CHD7: variants seen among roughly 807,000 people sequenced by gnomAD.
CHD7 encodes ATP-dependent chromatin remodeler CHD7.
Under a neutral mutation model 307.3 loss-of-function variants are expected in CHD7, and 24 were observed. That is an observed-to-expected ratio of 0.08 (90% CI 0.06 to 0.11). CHD7 has a LOEUF of 0.11. Ranked by LOEUF, CHD7 falls within the 10% of genes least tolerant of loss-of-function variation. The pLI is 1.00. For missense variants in CHD7, 3,106 were observed against 3,727.1 expected (o/e 0.83, Z 4.34); for synonymous variants, 1,363 against 1,349.9 (o/e 1.01, Z -0.21).
intron 6 of CHD7, among the ~76,000 whole-genome samples, chr8:60,806,320 G>A (rs930251312): frequency 2.6e-5 from 4 of 152,152 alleles, no homozygotes; most frequent in South Asian, 2.1e-4. Flanking sequence ...CCGAGATTGC[G>A]CCACTGCACT....
In CHD7 at chr8:60,865,029, A is replaced by C. The variant is rs1005662057; in HGVS notation, c.8090A>C (p.Glu2697Ala). The C allele has an allele frequency of 6.3e-7, 1 of 1,599,404 alleles. No homozygotes were observed. The highest frequency in any genetic ancestry group is 8.5e-7 in the Non-Finnish European group (1 of 1,172,078). ...CCTGTACTCCAGGGTTTTGTTCCTG[A>C]GTCGATGTTTGACCGCCTTCTCACT... ...DIVKQSGFVP[E>A]SMFDRLLTGP... Residue 2697 changes from glutamate (E) to alanine (A), a missense_variant, in exon 38 of 38, where the codon GAG becomes GCG. By Grantham distance (107) the Glu-to-Ala change is moderately radical. This residue lies in a region of CHD7 where 59 missense variants were observed against 106.2 expected (regional missense o/e 0.56). Coordinates refer to ENST00000423902, the MANE Select transcript of CHD7 (RefSeq NM_017780.4). This position sits in a 1 kb window ranked among gnomAD's most constrained non-coding sequence, Gnocchi z 4.3.
At chr8:60,822,957 G>C (rs1283854349) in intron 12 of CHD7, among the ~76,000 whole-genome samples, 4 of 152,146 alleles carry the variant, frequency 2.6e-5, no homozygotes, top group Non-Finnish European at 5.9e-5. Flanking sequence ...CTGATTATTA[G>C]ATTAGAAGGA....
chr8:60,704,129 CCTCAGTA>C (rs1806900587), intron 1 of CHD7, among the ~76,000 whole-genome samples: 2 of 152,092 alleles, frequency 1.3e-5, no homozygotes, highest in Admixed American at 6.5e-5. Context: ...GTTTGAGTTT[CCTCAGTA>C]CTCATGTCAT....
intron 7 of CHD7, among the ~76,000 whole-genome samples, chr8:60,815,470 A>C (rs192511939): frequency 2.0e-5 from 3 of 152,202 alleles, no homozygotes; most frequent in Non-Finnish European, 2.9e-5. Context: ...GGAGAGGGTG[A>C]TGGGACAAAA....
chr8:60,855,732 A>G (rs1030969201), intron 32 of CHD7, among the ~76,000 whole-genome samples: 4 of 152,232 alleles, frequency 2.6e-5, no homozygotes, highest in South Asian at 4.1e-4. Flanking sequence ...CAGTGTTCGT[A>G]ATTAAAAATA....
rs189373358 is a variant in CHD7 at position 60,867,330 on chromosome 8, A to G, written c.*1397A>G. On this transcript the variant is annotated 3_prime_UTR_variant, in exon 38 of 38. Transcript: ENST00000423902. ...TGCGGTAGTGTCAGCAAGGGACACA[A>G]AGGCACTCTGGTGTCCTGCAGACCA... 3 of 152,358 alleles carry G rather than the reference A, an allele frequency of 2.0e-5. No individual in the cohort carries two copies. In the East Asian group the frequency reaches 5.8e-4, roughly 29 times the overall value. 9.4% of individuals were successfully genotyped at this position (152,358 alleles called of 1,614,324 possible).
Position 60,856,844 on chromosome 8 carries a change from C to T in CHD7, c.7564C>T (p.Leu2522Phe). 6.3e-7 allele frequency: 1 copy of T among 1,577,276 alleles called. No homozygotes were observed. Among genetic ancestry groups the T allele is most frequent in the Non-Finnish European group, 8.6e-7 (1 of 1,162,982 alleles). ...RRGRRKNVEG[L>F]DLLFMSHKRT... The stretch of plus-strand genomic sequence containing the variant: ...GGGAAGGAGGAAAAATGTGGAGGGA[C>T]TTGATCTGCTTTTCATGAGCCACAA... Residue 2522 changes from leucine (L) to phenylalanine (F), a missense_variant, in exon 34 of 38, where the codon CTT (leucine) becomes TTT (phenylalanine). Physicochemically the swap from Leu to Phe is conservative, Grantham distance 22 (BLOSUM62 0). Coordinates refer to ENST00000423902, the MANE Select transcript of CHD7 (RefSeq NM_017780.4).
intron 35 of CHD7, 142 bp downstream of exon 35, chr8:60,861,267 G>T: frequency 1.6e-6 from 1 of 644,012 alleles, no homozygotes; most frequent in Non-Finnish European, 2.6e-6. Flanking sequence ...CCAGGTCTTT[G>T]TTGTTGAATC....
chr8:60,856,913 G>T (rs771924228), intron 34 of CHD7, 25 bp downstream of exon 34: 2 of 1,522,708 alleles, frequency 1.3e-6, no homozygotes, highest in Admixed American at 4.3e-5. Flanking sequence ...TTGCCTGCAT[G>T]GCGATTGCAC....
chr8:60,864,869 CATTAAGTTTT>C (rs1327520488), intron 37 of CHD7, 137 bp from the exon 38 acceptor site: 1 of 807,508 alleles, frequency 1.2e-6, no homozygotes, highest in African/African-American at 1.7e-5. Flanking sequence ...GTTTTGCTGT[CATTAAGTTTT>C]ATCATTGAGC....
At chr8:60,862,459 G>A (rs1466529333) in intron 36 of CHD7, 89 bp from the exon 37 acceptor site, 2 of 1,463,258 alleles carry the variant, frequency 1.4e-6, no homozygotes, top group Admixed American at 2.0e-5. Context: ...GTGCGTGTAT[G>A]TGTGTATTAT....
chr8:60,686,059 T>C (rs1256126280), intron 1 of CHD7, among the ~76,000 whole-genome samples: 1 of 152,178 alleles, frequency 6.6e-6, no homozygotes, highest in Non-Finnish European at 1.5e-5. Context: ...TTATTGTCAT[T>C]GTGTGTTCCT....
Position 60,741,689 on chromosome 8 carries a change from C to T in CHD7, c.257C>T (p.Pro86Leu), listed in dbSNP as rs1355349547. 1.9e-6 allele frequency: 3 copies of T among 1,613,914 alleles called. No individual in the cohort carries two copies. Among genetic ancestry groups the T allele is most frequent in the South Asian group, 1.1e-5 (1 of 91,060 alleles). Reference protein sequence around the residue: ...EQQKMHLMDQPNRMMSNTPGN... With the variant: ...EQQKMHLMDQLNRMMSNTPGN... ...CAAAAGATGCATCTGATGGATCAGC[C>T]GAACAGAATGATGAGCAACACCCCT... Residue 86 changes from proline (P) to leucine (L), a missense_variant, in exon 2 of 38, where the codon CCG (proline) becomes CTG (leucine). This residue lies in a region of CHD7 where 998 missense variants were observed against 1,004.5 expected (regional missense o/e 0.99). Coordinates refer to ENST00000423902, the MANE Select transcript of CHD7 (RefSeq NM_017780.4).
chr8:60,787,744 A>G (rs1343532613), intron 3 of CHD7, among the ~76,000 whole-genome samples: 2 of 152,100 alleles, frequency 1.3e-5, no homozygotes, highest in Non-Finnish European at 2.9e-5. Flanking sequence ...CAGATAACAC[A>G]TTAGCTAACT....
chr8:60,746,186 ACC>A (rs1809316350), intron 2 of CHD7, among the ~76,000 whole-genome samples: 1 of 152,210 alleles, frequency 6.6e-6, no homozygotes, highest in South Asian at 2.1e-4. Context: ...GGCGCGCACC[ACC>A]GTGCCTGGCT....
At chr8:60,843,352 C>T (rs1805058339) in intron 21 of CHD7, among the ~76,000 whole-genome samples, 1 of 152,212 alleles carries the variant, frequency 6.6e-6, no homozygotes, top group South Asian at 2.1e-4. Flanking sequence ...TGCCATGTTT[C>T]AGCACAATCA....
chr8:60,713,332 C>G (rs190083439), intron 1 of CHD7, among the ~76,000 whole-genome samples: 1 of 152,106 alleles, frequency 6.6e-6, no homozygotes, highest in East Asian at 2.0e-4. Flanking sequence ...AGGCTGTTCT[C>G]GACTCCTTAC....
Position 60,742,895 on chromosome 8 carries a change from C to T in CHD7, c.1463C>T (p.Pro488Leu), listed in dbSNP as rs757372961. Residue 488 changes from proline (P) to leucine (L), a missense_variant, in exon 2 of 38, where the codon CCA (proline) becomes CTA (leucine). Pro to Leu is a moderately conservative substitution (Grantham distance 98, BLOSUM62 -3). Coordinates refer to ENST00000423902, the MANE Select transcript of CHD7 (RefSeq NM_017780.4). ...NGCPGVGLGD[P>L]QAIQERLIPG... ...TGTCCTGGTGTTGGCCTTGGAGACC[C>T]ACAAGCAATCCAGGAACGACTGATA... 5.0e-6 allele frequency: 8 copies of T among 1,612,342 alleles called. No homozygotes were observed. The highest frequency in any genetic ancestry group is 6.8e-6 in the Non-Finnish European group (8 of 1,179,076).
chr8:60,748,105 C>T, intron 2 of CHD7, among the ~76,000 whole-genome samples: 1 of 152,108 alleles, frequency 6.6e-6, no homozygotes, highest in East Asian at 1.9e-4. Context: ...AACAATCTTG[C>T]TGTGTGAGCA....
Sources: gnomAD v4.1 joint callset for allele counts (sites outside exome capture counted in the v4.1 genomes callset) on GRCh38, gnomAD v4.1.1 for gene constraint, gnomAD v4.1.1 regional missense constraint, Gnocchi (gnomAD v3.1) non-coding constraint, MANE v1.5 for transcripts, NCBI Gene and HGNC (gene_info 2026-07-23, HGNC 2026-07-21) for gene names.